The following NRXN3 variants were observed in gnomAD, a reference collection of about 807,000 sequenced individuals.
NRXN3 encodes neurexin 3, also known as neurexin III.
NRXN3 carries 32 observed loss-of-function variants against 137.6 expected under a neutral mutation model. The observed-to-expected ratio is 0.23, with a 90% CI of 0.18 to 0.31. The LOEUF (loss-of-function observed/expected upper bound fraction) is 0.31. Ranked by LOEUF, NRXN3 falls within the 10% of genes least tolerant of loss-of-function variation. The pLI, the probability that NRXN3 is intolerant of heterozygous loss-of-function variation, is 1.00. For missense variants in NRXN3, 1,574 were observed against 2,062.5 expected (o/e 0.76, Z 4.59); for synonymous variants, 798 against 784.5 (o/e 1.02, Z -0.29).
intron 15 of NRXN3, among the ~76,000 whole-genome samples, chr14:79,038,360 T>C (rs1261716658): frequency 1.3e-5 from 2 of 152,076 alleles, no homozygotes; most frequent in Non-Finnish European, 2.9e-5. Context: ...GGAGAAGAAA[T>C]TTTTATGTGA....
chr14:79,098,425 T>C (rs2050718765), intron 15 of NRXN3, among the ~76,000 whole-genome samples: 1 of 152,222 alleles, frequency 6.6e-6, no homozygotes, highest in South Asian at 2.1e-4. Flanking sequence ...CTCTTGGAGA[T>C]GAAGCAAATA....
intron 16 of NRXN3, among the ~76,000 whole-genome samples, chr14:79,594,344 T>C (rs1464560135): frequency 6.6e-6 from 1 of 152,140 alleles, no homozygotes; most frequent in Non-Finnish European, 1.5e-5. Context: ...ATAAAAAATA[T>C]CCTGCCATAG....
intron 4 of NRXN3, among the ~76,000 whole-genome samples, chr14:78,320,398 C>G (rs1436672536): frequency 6.6e-6 from 1 of 152,158 alleles, no homozygotes; most frequent in Non-Finnish European, 1.5e-5. Flanking sequence ...CGTTAATCTC[C>G]TTTGAACAGG....
chr14:78,606,358 A>G (rs1300196553), intron 4 of NRXN3, among the ~76,000 whole-genome samples: 3 of 152,100 alleles, frequency 2.0e-5, no homozygotes, highest in Non-Finnish European at 4.4e-5. Flanking sequence ...TTCTTTGATC[A>G]TGTGATTTCC....
intron 4 of NRXN3, among the ~76,000 whole-genome samples, chr14:78,609,675 A>C (rs2097283249): frequency 6.6e-6 from 1 of 152,196 alleles, no homozygotes; most frequent in South Asian, 2.1e-4. Flanking sequence ...TTCTTGTGAG[A>C]ATTTAATCAG....
chr14:78,711,434 C>CTTTT (rs35251417), intron 7 of NRXN3, among the ~76,000 whole-genome samples: 2 of 99,086 alleles, frequency 2.0e-5, no homozygotes, highest in African/African-American at 8.7e-5. Flanking sequence ...ATTCTTTTCT[C>CTTTT]TTTTTTTTTT....
chr14:78,464,615 C>A (rs1276556233), intron 4 of NRXN3, among the ~76,000 whole-genome samples: 1 of 152,064 alleles, frequency 6.6e-6, no homozygotes, highest in Admixed American at 6.5e-5. Flanking sequence ...AAAATAAAAG[C>A]AAAATTTATA....
At chr14:79,755,733 AG>A (rs2099017191) in intron 19 of NRXN3, among the ~76,000 whole-genome samples, 1 of 152,158 alleles carries the variant, frequency 6.6e-6, no homozygotes, top group South Asian at 2.1e-4. Context: ...TATGCTAGGC[AG>A]GTTCCTGAAT....
intron 10 of NRXN3, among the ~76,000 whole-genome samples, chr14:78,914,811 C>G (rs1369944033): frequency 2.0e-5 from 3 of 151,980 alleles, no homozygotes; most frequent in African/African-American, 7.2e-5. Context: ...GAAAAGATCA[C>G]CCTGGCTACT....
chr14:78,596,925 A>G (rs750537426), intron 4 of NRXN3, among the ~76,000 whole-genome samples: 3 of 152,238 alleles, frequency 2.0e-5, no homozygotes, highest in Non-Finnish European at 4.4e-5. Flanking sequence ...AGTGATGGCT[A>G]TAGGAGATCA....
At chr14:79,810,725 CG>C (rs1382025531) in intron 20 of NRXN3, among the ~76,000 whole-genome samples, 2 of 152,066 alleles carry the variant, frequency 1.3e-5, no homozygotes, top group Non-Finnish European at 2.9e-5. Flanking sequence ...TGAGATGCCT[CG>C]GGAAAGTATC....
intron 16 of NRXN3, among the ~76,000 whole-genome samples, chr14:79,538,922 A>G (rs959381577): frequency 6.6e-6 from 1 of 152,224 alleles, no homozygotes; most frequent in East Asian, 1.9e-4. Context: ...AGCATTTAAC[A>G]TGCAATTATT....
At chr14:78,578,167 C>T (rs1036723141) in intron 4 of NRXN3, among the ~76,000 whole-genome samples, 1 of 152,076 alleles carries the variant, frequency 6.6e-6, no homozygotes, top group African/African-American at 2.4e-5. Flanking sequence ...TTAAGGCTCC[C>T]AAGTGGATGC....
At chr14:79,211,445 G>A (rs1386976480) in intron 15 of NRXN3, among the ~76,000 whole-genome samples, 1 of 152,132 alleles carries the variant, frequency 6.6e-6, no homozygotes, top group Non-Finnish European at 1.5e-5. Flanking sequence ...CATCCCTACT[G>A]TGTACTAGGC....
intron 4 of NRXN3, among the ~76,000 whole-genome samples, chr14:78,630,021 C>A (rs1056137891): frequency 6.6e-6 from 1 of 152,184 alleles, no homozygotes; most frequent in Non-Finnish European, 1.5e-5. Flanking sequence ...ACTTGATGTG[C>A]TTTATTTTTT....
At chr14:79,778,814 G>T (rs576584577) in intron 19 of NRXN3, among the ~76,000 whole-genome samples, 3 of 152,112 alleles carry the variant, frequency 2.0e-5, no homozygotes, top group Admixed American at 6.6e-5. Flanking sequence ...GTTACTTTTA[G>T]ATTTGTTCAG....
At chr14:78,540,569 C>T (rs2096580328) in intron 4 of NRXN3, among the ~76,000 whole-genome samples, 1 of 151,778 alleles carries the variant, frequency 6.6e-6, no homozygotes, top group Non-Finnish European at 1.5e-5. Context: ...ACTCTTTATC[C>T]AATTTGCCAG....
chr14:78,813,086 C>G (rs867920025), intron 10 of NRXN3, among the ~76,000 whole-genome samples: 1 of 151,912 alleles, frequency 6.6e-6, no homozygotes. Context: ...TAAATTGAAA[C>G]CAAGTTGATA....
In NRXN3 at chr14:79,413,192, C is replaced by T. The variant is rs147864942; in HGVS notation, c.3263-54029C>T. On this transcript the variant is annotated intron_variant, in intron 15 of 20. Transcript: ENST00000335750. ...TCGTCTTTGTTTGGCTTACTTTCTA[C>T]TGTGCTTCTCTCTATCAAATCTTTG... Among the ~76,000 whole-genome samples the T allele has an allele frequency of 1.2e-3, 190 of 152,308 alleles. 1 individual carries two copies. The highest frequency in any genetic ancestry group is 4.3e-3 in the African/African-American group (178 of 41,568).
Sources: allele counts gnomAD v4.1 joint callset (sites outside exome capture counted in the v4.1 genomes callset), GRCh38; gene constraint gnomAD v4.1.1; transcripts MANE v1.5; gene names NCBI Gene and HGNC (gene_info 2026-07-23, HGNC 2026-07-21).